The following PDE4B variants were observed in gnomAD, a reference collection of about 807,000 sequenced individuals.
PDE4B encodes the protein 3',5'-cyclic-AMP phosphodiesterase 4B.
PDE4B carries 20 observed loss-of-function variants against 82.2 expected under a neutral mutation model. The ratio of observed to expected loss-of-function variants is 0.24; its 90% CI spans 0.17 to 0.35. The LOEUF (loss-of-function observed/expected upper bound fraction) is 0.35, where lower values mean the gene tolerates loss of function less well. Ranked by LOEUF, PDE4B falls within the 10% of genes least tolerant of loss-of-function variation. The pLI, the probability that PDE4B is intolerant of heterozygous loss-of-function variation, is 1.00. For missense variants in PDE4B, 655 were observed against 907.2 expected (o/e 0.72, Z 3.57); for synonymous variants, 320 against 318.9 (o/e 1.00, Z -0.04).
At chr1:66,214,466 G>A (rs1650300772) in intron 3 of PDE4B, among the ~76,000 whole-genome samples, 1 of 152,102 alleles carries the variant, frequency 6.6e-6, no homozygotes, top group African/African-American at 2.4e-5. Context: ...TAGGTATTGG[G>A]CTGAGGGATT....
chr1:66,101,812 G>C (rs1645231050), intron 3 of PDE4B, among the ~76,000 whole-genome samples: 1 of 152,052 alleles, frequency 6.6e-6, no homozygotes, highest in African/African-American at 2.4e-5. Flanking sequence ...AGTTTCTTTT[G>C]CTGTGCAGAA....
At chr1:66,257,706 C>T in intron 5 of PDE4B, 23 bp downstream of exon 5, 2 of 1,612,052 alleles carry the variant, frequency 1.2e-6, no homozygotes, top group Non-Finnish European at 1.7e-6. Context: ...CTGGCCCTGG[C>T]TTGCTTTCAC....
rs190879174 is a variant in PDE4B, at chr1:66,240,963, C to T, written c.282-6497C>T. Among the ~76,000 whole-genome samples, 177 of 152,302 alleles carry T rather than the reference C, an allele frequency of 1.2e-3. 2 individuals carry two copies. Among genetic ancestry groups the T allele is most frequent in the East Asian group, 5.2e-3 (27 of 5,186 alleles). Reference sequence around the variant, plus strand: ...AGTAGAAGCCGGATCCCTAGAATCTCAGAGCTCTTCAGCATTCCTGTGCTA... The same window carrying T: ...AGTAGAAGCCGGATCCCTAGAATCTTAGAGCTCTTCAGCATTCCTGTGCTA... On this transcript the variant is annotated intron_variant, in intron 3 of 16. Transcript: ENST00000341517.
chr1:66,209,178 G>A (rs1649815109), intron 3 of PDE4B, among the ~76,000 whole-genome samples: 1 of 152,172 alleles, frequency 6.6e-6, no homozygotes, highest in Admixed American at 6.5e-5. Flanking sequence ...CTGCATGCAA[G>A]GAATTGCTAA....
At chr1:65,948,169 T>C (rs1260097245) in intron 3 of PDE4B, among the ~76,000 whole-genome samples, 3 of 151,746 alleles carry the variant, frequency 2.0e-5, no homozygotes, top group Non-Finnish European at 4.4e-5. Context: ...CCATCCCAAT[T>C]GTACATTTGG....
intron 3 of PDE4B, among the ~76,000 whole-genome samples, chr1:66,017,986 T>A (rs1652872964): frequency 6.6e-6 from 1 of 152,244 alleles, no homozygotes; most frequent in Non-Finnish European, 1.5e-5. Context: ...CCTGGGTAAC[T>A]GGCTATATTT....
intron 3 of PDE4B, among the ~76,000 whole-genome samples, chr1:66,115,280 C>A (rs1467733350): frequency 1.3e-5 from 2 of 152,168 alleles, no homozygotes; most frequent in African/African-American, 4.8e-5. Flanking sequence ...CACCAATGCC[C>A]CGTTTTCACG....
intron 3 of PDE4B, among the ~76,000 whole-genome samples, chr1:66,033,489 A>G (rs1369396047): frequency 1.3e-5 from 2 of 152,258 alleles, no homozygotes; most frequent in East Asian, 3.9e-4. Flanking sequence ...TTTATTCACT[A>G]CTAACTCCCA....
At chr1:66,023,472 G>T (rs765283929) in intron 3 of PDE4B, among the ~76,000 whole-genome samples, 1 of 152,080 alleles carries the variant, frequency 6.6e-6, no homozygotes, top group Non-Finnish European at 1.5e-5. Flanking sequence ...TCCAATTAGT[G>T]GCAGAGACAA....
At chr1:65,877,200 A>G (rs1646654824) in intron 1 of PDE4B, among the ~76,000 whole-genome samples, 1 of 152,234 alleles carries the variant, frequency 6.6e-6, no homozygotes, top group African/African-American at 2.4e-5. Flanking sequence ...GTACCAAAAC[A>G]GACATATAGA....
chr1:66,157,592 A>T lies in PDE4B; in HGVS notation c.282-89868A>T, dbSNP rs780738012. 8.3e-4 allele frequency among the ~76,000 whole-genome samples: 126 copies of T among 152,174 alleles called. 1 individual carries two copies. The highest frequency in any genetic ancestry group is 2.5e-3 in the Admixed American group (38 of 15,268). ...ACTCCTTCTGATTCTACTCAAAGGT[A>T]ATCTCTCTTCCTCATCCTACAGCTT... On this transcript the variant is annotated intron_variant, in intron 3 of 16. Transcript: ENST00000341517.
chr1:65,981,337 T>G (rs1354050311), intron 3 of PDE4B, among the ~76,000 whole-genome samples: 5 of 152,190 alleles, frequency 3.3e-5, no homozygotes, highest in African/African-American at 1.2e-4. Context: ...TTGGTAAAAG[T>G]GCATTCAGGC....
chr1:65,853,609 AAC>A lies in PDE4B; in HGVS notation c.-70-59635_-70-59634del, dbSNP rs529018987. Among the ~76,000 whole-genome samples, 542 of 151,928 alleles carry A rather than the reference AAC, an allele frequency of 3.6e-3. 3 individuals are homozygous for A. Among genetic ancestry groups the A allele is most frequent in the African/African-American group, 0.013 (518 of 41,436 alleles). The stretch of plus-strand genomic sequence containing the variant: ...CAGTGGCACAATCTCGACTCACTGC[AAC>A]CTCCACTTCTCAGGTTCAAGTGATT... On this transcript the variant is annotated intron_variant, in intron 1 of 16. Coordinates refer to ENST00000341517, the MANE Select transcript of PDE4B (RefSeq NM_002600.4).
rs783067 is a variant in PDE4B at position 66,373,050 on chromosome 1, A to C, written c.*372A>C. 38,502 of 186,178 alleles carry C rather than the reference A, an allele frequency of 0.21. 4,801 individuals carry two copies. The highest frequency in any genetic ancestry group is 0.27 in the Non-Finnish European group (23,674 of 87,686). The allele number at this position is 186,178 out of a possible 1,614,324, so 11.5% of individuals were successfully genotyped here. On this transcript the variant is annotated 3_prime_UTR_variant, in exon 17 of 17. Transcript: ENST00000341517. ...AATAACTTCATTTATGAATCTTCTC[A>C]CTTGTCCCTTTGTCTGCCAACCTGT...
At chr1:66,172,079 T>C (rs994031220) in intron 3 of PDE4B, among the ~76,000 whole-genome samples, 15 of 152,170 alleles carry the variant, frequency 9.9e-5, no homozygotes, top group Non-Finnish European at 1.9e-4. Context: ...TAGTACCTAA[T>C]GGGTTGTTTT....
At chr1:66,265,968 G>T (rs1322525754) in intron 6 of PDE4B, 70 bp from the exon 7 acceptor site, 1 of 1,083,562 alleles carries the variant, frequency 9.2e-7, no homozygotes, top group Non-Finnish European at 1.4e-6. Context: ...AACCATGAGG[G>T]TGGGGTGTCG....
intron 3 of PDE4B, among the ~76,000 whole-genome samples, chr1:66,110,452 A>G (rs1426251269): frequency 6.6e-6 from 1 of 152,070 alleles, no homozygotes; most frequent in Non-Finnish European, 1.5e-5. Flanking sequence ...CTTGTCTGCT[A>G]CTAAACCAAC....
intron 7 of PDE4B, among the ~76,000 whole-genome samples, chr1:66,282,710 C>A (rs1186787801): frequency 6.6e-6 from 1 of 152,170 alleles, no homozygotes; most frequent in Non-Finnish European, 1.5e-5. Flanking sequence ...ATCCTTTAAC[C>A]TTTCTAGACT....
intron 3 of PDE4B, chr1:66,152,620 T>TGTGTATAAAATA (rs1557597042): frequency 8.8e-6 from 1 of 113,474 alleles, no homozygotes; most frequent in Non-Finnish European, 1.7e-5. Context: ...ATATATATAT[T>TGTGTATAAAATA]TATATATGTG....
Sources: allele counts gnomAD v4.1 joint callset (sites outside exome capture counted in the v4.1 genomes callset), GRCh38; gene constraint gnomAD v4.1.1; transcripts MANE v1.5; gene names NCBI Gene and HGNC (gene_info 2026-07-23, HGNC 2026-07-21).